Variants in TNIK observed in about 807,000 individuals in gnomAD.
The protein encoded by TNIK is TRAF2 and NCK interacting kinase, also known as TRAF2 and NCK-interacting protein kinase.
Under a neutral mutation model 191.3 loss-of-function variants are expected in TNIK, and 49 were observed. The observed-to-expected ratio is 0.26, with a 90% CI of 0.20 to 0.32. TNIK has a LOEUF of 0.32. Ranked by LOEUF, TNIK falls within the 10% of genes least tolerant of loss-of-function variation. TNIK has a pLI of 1.00. For synonymous variants in TNIK, 594 were observed against 600.9 expected (o/e 0.99, Z 0.17); for missense variants, 1,155 against 1,702.3 (o/e 0.68, Z 5.66).
intron 1 of TNIK, among the ~76,000 whole-genome samples, chr3:171,459,480 T>C (rs1578011254): frequency 6.6e-6 from 1 of 152,172 alleles, no homozygotes; most frequent in Non-Finnish European, 1.5e-5. Flanking sequence ...AGTTGCCATC[T>C]ACAAGACCAG....
intron 1 of TNIK, among the ~76,000 whole-genome samples, chr3:171,444,604 TCAATGCAAAGAA>T (rs1318562439): frequency 2.6e-5 from 4 of 151,048 alleles, no homozygotes; most frequent in African/African-American, 4.8e-5. Flanking sequence ...AAAAGACATG[TCAATGCAAAGAA>T]CAATGCAAAG....
intron 2 of TNIK, among the ~76,000 whole-genome samples, chr3:171,262,715 G>A (rs1196983584): frequency 6.6e-6 from 1 of 152,196 alleles, no homozygotes; most frequent in East Asian, 1.9e-4. Flanking sequence ...TTGCCTACCA[G>A]AAAAAATTCT....
chr3:171,418,268 T>C (rs999114646), intron 1 of TNIK, among the ~76,000 whole-genome samples: 1 of 152,176 alleles, frequency 6.6e-6, no homozygotes, highest in Non-Finnish European at 1.5e-5. Context: ...GTATTTTGAG[T>C]ACCCTGGCAA....
intron 12 of TNIK, among the ~76,000 whole-genome samples, chr3:171,144,614 A>G (rs972765911): frequency 6.6e-6 from 1 of 151,994 alleles, no homozygotes; most frequent in African/African-American, 2.4e-5. Context: ...AACACTTACC[A>G]TTGCTTTGTG....
chr3:171,408,469 T>A (rs888018599), intron 1 of TNIK, among the ~76,000 whole-genome samples: 4 of 152,194 alleles, frequency 2.6e-5, no homozygotes, highest in African/African-American at 7.2e-5. Context: ...CATTCCGCCA[T>A]GAAGGACTTT....
At position 171,290,223 on chromosome 3, in the gene TNIK, A is replaced by G. The variant is rs116082990; in HGVS notation, c.124-62002T>C. On this transcript the variant is annotated intron_variant, in intron 2 of 32. Coordinates refer to ENST00000436636, the MANE Select transcript of TNIK (RefSeq NM_015028.4). ...TATTCCCAGGTGCTCAAAAATACCT[A>G]TGGTTGAATGATGATGACAAAGCAG... is the stretch of plus-strand genomic sequence containing the variant. Among the ~76,000 whole-genome samples the G allele has an allele frequency of 6.8e-3, 1,032 of 152,320 alleles. 10 individuals carry two copies. Among genetic ancestry groups the G allele is most frequent in the African/African-American group, 0.024 (984 of 41,556 alleles).
At chr3:171,348,740 CTTTCA>C (rs1712664091) in intron 2 of TNIK, among the ~76,000 whole-genome samples, 1 of 152,036 alleles carries the variant, frequency 6.6e-6, no homozygotes, top group African/African-American at 2.4e-5. Flanking sequence ...CCGGGTAGTG[CTTTCA>C]TTTGTGTTTG....
chr3:171,399,994 G>A lies in TNIK; in HGVS notation c.58-30309C>T, dbSNP rs569618978. Among the ~76,000 whole-genome samples, 246 of 152,254 alleles carry A rather than the reference G, an allele frequency of 1.6e-3. 1 individual carries two copies. Among genetic ancestry groups the A allele is most frequent in the African/African-American group, 5.9e-3 (244 of 41,540 alleles). ...GCATACAGCTGTCCACCAATGTTCT[G>A]GGAAGCTGGCCCATTGTCAGGATCA... is the stretch of plus-strand genomic sequence containing the variant. On this transcript the variant is annotated intron_variant, in intron 1 of 32. Coordinates refer to ENST00000436636, the MANE Select transcript of TNIK (RefSeq NM_015028.4).
chr3:171,229,988 C>T (rs2108995249), intron 2 of TNIK, among the ~76,000 whole-genome samples: 1 of 152,264 alleles, frequency 6.6e-6, no homozygotes, highest in Non-Finnish European at 1.5e-5. Context: ...GCCCTCATTT[C>T]CCCATCTACA....
chr3:171,184,192 T>G (rs1737077518), intron 7 of TNIK, among the ~76,000 whole-genome samples: 1 of 152,140 alleles, frequency 6.6e-6, no homozygotes. Context: ...TCTAAACTGG[T>G]CCTGTCTGAC....
chr3:171,100,653 G>T (rs1723349424), intron 22 of TNIK, among the ~76,000 whole-genome samples: 1 of 150,572 alleles, frequency 6.6e-6, no homozygotes, highest in Admixed American at 6.6e-5. Context: ...TTACTAGGTG[G>T]AGGAACTGGG....
At chr3:171,272,999 C>T (rs1410337715) in intron 2 of TNIK, among the ~76,000 whole-genome samples, 1 of 152,206 alleles carries the variant, frequency 6.6e-6, no homozygotes, top group Non-Finnish European at 1.5e-5. Flanking sequence ...AACAGCCCAA[C>T]CAGAGATTCT....
At chr3:171,306,554 AAAG>A (rs1489745217) in intron 2 of TNIK, among the ~76,000 whole-genome samples, 1 of 152,168 alleles carries the variant, frequency 6.6e-6, no homozygotes, top group Non-Finnish European at 1.5e-5. Flanking sequence ...TACCAAATTT[AAAG>A]AAGAAAAACT....
chr3:171,192,722 T>C (rs1488685526), intron 5 of TNIK, among the ~76,000 whole-genome samples: 1 of 152,122 alleles, frequency 6.6e-6, no homozygotes. Context: ...GACTAAATAA[T>C]CCATTATGCT....
At chr3:171,140,643 T>C in intron 12 of TNIK, 134 bp from the exon 13 acceptor site, 1 of 755,056 alleles carries the variant, frequency 1.3e-6, no homozygotes, top group Non-Finnish European at 2.2e-6. Flanking sequence ...AAGGTTCTTC[T>C]CTCCGGGGCT....
Position 171,372,967 on chromosome 3 carries a change from A to C in TNIK, c.58-3282T>G, listed in dbSNP as rs192819834. Among the ~76,000 whole-genome samples the C allele has an allele frequency of 2.9e-3, 446 of 152,298 alleles. 1 individual carries two copies. The highest frequency in any genetic ancestry group is 5.0e-3 in the Non-Finnish European group (339 of 68,016). ...CTTTGAAACCCTAGATATGGAAGTCAGAGGTATTATTCAGTGACACCTCAG... is the reference window on the plus strand; with the variant it reads ...CTTTGAAACCCTAGATATGGAAGTCCGAGGTATTATTCAGTGACACCTCAG... On this transcript the variant is annotated intron_variant, in intron 1 of 32. Transcript: ENST00000436636.
intron 1 of TNIK, among the ~76,000 whole-genome samples, chr3:171,409,240 A>G (rs1722095158): frequency 6.6e-6 from 1 of 152,188 alleles, no homozygotes; most frequent in African/African-American, 2.4e-5. Context: ...TATGTGGAAA[A>G]CAGGTAGTAA....
intron 2 of TNIK, among the ~76,000 whole-genome samples, chr3:171,314,598 C>T (rs553944515): frequency 1.3e-5 from 2 of 152,248 alleles, no homozygotes; most frequent in South Asian, 4.2e-4. Context: ...TAATTTCATT[C>T]ACTCATTAAT....
chr3:171,349,943 T>G (rs1214961768), intron 2 of TNIK, among the ~76,000 whole-genome samples: 1 of 152,202 alleles, frequency 6.6e-6, no homozygotes, highest in Non-Finnish European at 1.5e-5. Flanking sequence ...GATCTTAAGT[T>G]GTTTTTAGTG....
Sources: allele counts gnomAD v4.1 joint callset (sites outside exome capture counted in the v4.1 genomes callset), GRCh38; gene constraint gnomAD v4.1.1; transcripts MANE v1.5; gene names NCBI Gene and HGNC (gene_info 2026-07-23, HGNC 2026-07-21).